Variants in PRLR observed in about 807,000 individuals in gnomAD.
PRLR encodes prolactin receptor, also known as hPRL receptor.
A neutral mutation model predicts 40.2 loss-of-function variants in PRLR; 13 were observed. The observed-to-expected ratio is 0.32, with a 90% confidence interval of 0.21 to 0.51. The LOEUF (loss-of-function observed/expected upper bound fraction) is 0.51. PRLR is among the 20% of genes least tolerant of loss of function. The pLI, the probability that PRLR is intolerant of heterozygous loss-of-function variation, is 0.97. For missense variants in PRLR, 656 were observed against 747.3 expected, an observed-to-expected ratio of 0.88 and a Z score of 1.42; for synonymous variants, 269 against 278.7, an observed-to-expected ratio of 0.97 and a Z score of 0.35.
chr5:35,151,753 CAT>C (rs1774348635), intron 1 of PRLR, among the ~76,000 whole-genome samples: 1 of 152,192 alleles, frequency 6.6e-6, no homozygotes, highest in Non-Finnish European at 1.5e-5. Flanking sequence ...AGGCACCAAA[CAT>C]ATGAATAAGG....
At chr5:35,083,345 C>T (rs948581736) in intron 5 of PRLR, among the ~76,000 whole-genome samples, 2 of 151,954 alleles carry the variant, frequency 1.3e-5, no homozygotes, top group Non-Finnish European at 2.9e-5. Context: ...GAAGGCCATG[C>T]CAGAGAGCTT....
chr5:35,223,182 T>C (rs1340407706), intron 1 of PRLR, among the ~76,000 whole-genome samples: 6 of 152,242 alleles, frequency 3.9e-5, no homozygotes, highest in Non-Finnish European at 7.3e-5. Flanking sequence ...AAGGTCACAC[T>C]CTTGGTTGTC....
chr5:35,192,838 C>T (rs182018115), intron 1 of PRLR, among the ~76,000 whole-genome samples: 47 of 152,300 alleles, frequency 3.1e-4, no homozygotes, highest in African/African-American at 1.1e-3. Flanking sequence ...TTGGGGTCCT[C>T]TGTGTGGAAG....
chr5:35,087,875 C>A (rs1241222589), intron 3 of PRLR, among the ~76,000 whole-genome samples: 1 of 152,180 alleles, frequency 6.6e-6, no homozygotes, highest in Non-Finnish European at 1.5e-5. Flanking sequence ...AGCTGATCCT[C>A]TTTTTTGTCT....
At chr5:35,194,404 C>T (rs1262969683) in intron 1 of PRLR, among the ~76,000 whole-genome samples, 1 of 152,216 alleles carries the variant, frequency 6.6e-6, no homozygotes, top group Non-Finnish European at 1.5e-5. Flanking sequence ...CTGTGCCTAT[C>T]TCTCTAGCTT....
At chr5:35,091,230 T>C in intron 2 of PRLR, among the ~76,000 whole-genome samples, 1 of 152,064 alleles carries the variant, frequency 6.6e-6, no homozygotes, top group East Asian at 1.9e-4. Flanking sequence ...CCTACAAGAT[T>C]CCTTCCAAGC....
intron 1 of PRLR, among the ~76,000 whole-genome samples, chr5:35,140,792 T>A (rs1029312382): frequency 6.6e-5 from 10 of 152,250 alleles, no homozygotes; most frequent in African/African-American, 2.4e-4. Flanking sequence ...TTTAAATATT[T>A]TGAATGTTAC....
intron 1 of PRLR, among the ~76,000 whole-genome samples, chr5:35,208,849 G>T (rs1776091134): frequency 6.6e-6 from 1 of 151,964 alleles, no homozygotes; most frequent in Non-Finnish European, 1.5e-5. Flanking sequence ...ATCAATAAAA[G>T]AAGTATGAAG....
downstream of PRLR, among the ~76,000 whole-genome samples, chr5:35,053,517 G>A (rs1040872316): frequency 6.6e-6 from 1 of 152,090 alleles, no homozygotes; most frequent in Non-Finnish European, 1.5e-5. Flanking sequence ...GCTGGGTGTG[G>A]TGGTGTGGGC....
intron 2 of PRLR, among the ~76,000 whole-genome samples, chr5:35,105,097 T>C (rs866049426): frequency 6.6e-6 from 1 of 152,212 alleles, no homozygotes; most frequent in Non-Finnish European, 1.5e-5. Context: ...CTGGTGATAC[T>C]CAGGCAAACA....
At chr5:35,229,028 T>A (rs1776624379) in intron 1 of PRLR, among the ~76,000 whole-genome samples, 1 of 151,858 alleles carries the variant, frequency 6.6e-6, no homozygotes, top group African/African-American at 2.4e-5. Context: ...CACCCCTAAT[T>A]TTTAAGAACC....
chr5:35,207,321 A>G (rs1776048949), intron 1 of PRLR, among the ~76,000 whole-genome samples: 1 of 152,106 alleles, frequency 6.6e-6, no homozygotes, highest in African/African-American at 2.4e-5. Context: ...TAATCAGATA[A>G]AAAGTAAATA....
At chr5:35,185,332 G>C (rs1490518369) in intron 1 of PRLR, among the ~76,000 whole-genome samples, 1 of 152,070 alleles carries the variant, frequency 6.6e-6, no homozygotes. Context: ...TATTCCACAA[G>C]TCTGGCCAGA....
chr5:35,104,506 C>T (rs1281662494), intron 2 of PRLR, among the ~76,000 whole-genome samples: 6 of 152,084 alleles, frequency 3.9e-5, no homozygotes, highest in Admixed American at 2.0e-4. Flanking sequence ...CCTGGAAAAT[C>T]GGGACACTCC....
At chr5:35,082,815 G>A (rs375193195) in intron 5 of PRLR, among the ~76,000 whole-genome samples, 6 of 152,132 alleles carry the variant, frequency 3.9e-5, no homozygotes, top group East Asian at 3.8e-4. Flanking sequence ...AGGGTTATAG[G>A]AGAGTTCTGT....
chr5:35,199,701 C>T (rs932095576), intron 1 of PRLR, among the ~76,000 whole-genome samples: 1 of 151,960 alleles, frequency 6.6e-6, no homozygotes, highest in African/African-American at 2.4e-5. Context: ...ACTTGATATC[C>T]CCAAATAAAG....
At chr5:35,138,896 A>G (rs1168103541) in intron 1 of PRLR, among the ~76,000 whole-genome samples, 1 of 152,226 alleles carries the variant, frequency 6.6e-6, no homozygotes, top group Admixed American at 6.5e-5. Flanking sequence ...CCAAAATTAT[A>G]AGATGTATTC....
chr5:35,146,832 C>T (rs1440133557), intron 1 of PRLR, among the ~76,000 whole-genome samples: 1 of 152,130 alleles, frequency 6.6e-6, no homozygotes, highest in Admixed American at 6.6e-5. Flanking sequence ...CCCTCTAAAC[C>T]TTTTTGAAGC....
At position 35,216,319 on chromosome 5, in the gene PRLR, C is replaced by A. The variant is rs541008602; in HGVS notation, c.-106+13949G>T. Among the ~76,000 whole-genome samples the A allele has an allele frequency of 2.0e-3, 300 of 150,718 alleles. 1 individual carries two copies. Among genetic ancestry groups the A allele is most frequent in the Non-Finnish European group, 3.4e-3 (230 of 67,740 alleles). On this transcript the variant is annotated intron_variant, in intron 1 of 9. Transcript: ENST00000618457. ...AGTGGGCTGAATGGTTTATTGAGTT[C>A]TTTGGTATATTCTCAGGAAGGTTCA... is the stretch of plus-strand genomic sequence containing the variant.
Sources: allele counts gnomAD v4.1 joint callset (sites outside exome capture counted in the v4.1 genomes callset), GRCh38; gene constraint gnomAD v4.1.1; transcripts MANE v1.5; gene names NCBI Gene and HGNC (gene_info 2026-07-23, HGNC 2026-07-21).